The following AKAP14 variants were observed in gnomAD, a reference collection of about 807,000 sequenced individuals.
The protein encoded by AKAP14 is A-kinase anchor protein 14.
A neutral mutation model predicts 17.0 loss-of-function variants in AKAP14; 4 were observed. The observed-to-expected ratio is 0.23, with a 90% confidence interval of 0.12 to 0.54. AKAP14 has a LOEUF of 0.54. Ranked by LOEUF, AKAP14 falls within the 20% of genes least tolerant of loss-of-function variation. AKAP14 has a pLI of 0.95. For missense variants in AKAP14, 129 were observed against 150.9 expected (o/e 0.85, Z 0.76); for synonymous variants, 42 against 51.3 (o/e 0.82, Z 0.77).
intron 2 of AKAP14, among the ~76,000 whole-genome samples, chrX:119,897,496 G>A (rs1267852561): frequency 8.9e-6 from 1 of 112,068 alleles, no homozygotes; most frequent in African/African-American, 3.2e-5. Flanking sequence ...GTTGATATAT[G>A]GCTACCTCAC....
intron 4 of AKAP14, among the ~76,000 whole-genome samples, chrX:119,913,707 C>G (rs910256173): frequency 9.0e-6 from 1 of 111,078 alleles, no homozygotes. Flanking sequence ...ACCCAGGAGG[C>G]AGAGGTTGCA....
chrX:119,918,293 C>A (rs1248636586), intron 5 of AKAP14, among the ~76,000 whole-genome samples: 3 of 111,386 alleles, frequency 2.7e-5, no homozygotes, highest in Admixed American at 9.6e-5. Context: ...GTACAGTGGC[C>A]CAATCTCGGC....
rs185318151 is a variant in AKAP14, at chrX:119,897,449, G to A, written c.-11+1182G>A. On this transcript the variant is annotated intron_variant, in intron 2 of 6. Coordinates refer to ENST00000371431, the MANE Select transcript of AKAP14 (RefSeq NM_178813.6). ...GCTGGGATTATAGGTGTGAGCCACTGCGCCCGGCCCAAATGGACAATTTTC... is the reference window on the plus strand; with the variant it reads ...GCTGGGATTATAGGTGTGAGCCACTACGCCCGGCCCAAATGGACAATTTTC... 2.2e-3 allele frequency among the ~76,000 whole-genome samples: 242 copies of A among 112,062 alleles called. 1 individual carries two copies. Among genetic ancestry groups the A allele is most frequent in the African/African-American group, 7.3e-3 (227 of 30,938 alleles).
intron 4 of AKAP14, among the ~76,000 whole-genome samples, chrX:119,908,300 A>AAAAAAAAG (rs567352217): frequency 1.8e-4 from 19 of 103,494 alleles, no homozygotes; most frequent in South Asian, 4.3e-4. Context: ...AAAAAAAAAA[A>AAAAAAAAG]AAGAAGGATG....
chrX:119,915,394 C>T (rs1371105861), intron 5 of AKAP14, among the ~76,000 whole-genome samples: 1 of 112,380 alleles, frequency 8.9e-6, no homozygotes. Context: ...CAGTCTTCAT[C>T]TTAGTTAATA....
intron 2 of AKAP14, among the ~76,000 whole-genome samples, chrX:119,900,331 G>A (rs1277583054): frequency 8.9e-6 from 1 of 112,126 alleles, no homozygotes; most frequent in Non-Finnish European, 1.9e-5. Flanking sequence ...GACCTCAGGT[G>A]ATCCACCCGC....
Position 119,920,585 on chromosome X carries a change from CCTT to C in AKAP14, c.576_578del (p.Phe192del), listed in dbSNP as rs766774537. Reference sequence around the variant, plus strand: ...AAATATAGTTTCATGGAGTCATTCCCCTTCTTATTCAATCGTGTCTGATACTTA... The same window carrying C: ...AAATATAGTTTCATGGAGTCATTCCCCTTATTCAATCGTGTCTGATACTTA... On this transcript the variant is annotated inframe_deletion, in exon 7 of 7. Coordinates refer to ENST00000371431, the MANE Select transcript of AKAP14 (RefSeq NM_178813.6). 1.2e-5 allele frequency: 14 copies of C among 1,203,198 alleles called. No homozygotes were observed. The highest frequency in any genetic ancestry group is 1.7e-5 in the African/African-American group (1 of 57,692).
At chrX:119,903,073 C>T in intron 2 of AKAP14, 141 bp from the exon 3 acceptor site, 1 of 549,041 alleles carries the variant, frequency 1.8e-6, no homozygotes, top group Non-Finnish European at 2.8e-6. Context: ...TGACTCCTAC[C>T]CTTAAACCCC....
chrX:119,913,123 A>AAAATAAATAAATAAATAAATAAATAAAT (rs766878681), intron 4 of AKAP14, among the ~76,000 whole-genome samples: 5 of 98,096 alleles, frequency 5.1e-5, no homozygotes, highest in East Asian at 3.2e-4. Context: ...CCTGGTCTCT[A>AAAATAAATAAATAAATAAATAAATAAAT]AAATAAATAA....
chrX:119,911,225 C>T (rs1342314478), intron 4 of AKAP14, among the ~76,000 whole-genome samples: 2 of 106,357 alleles, frequency 1.9e-5, no homozygotes, highest in African/African-American at 3.4e-5. Context: ...TGGTGGTGGG[C>T]GCCTGTAATC....
At chrX:119,896,416 G>A (rs1461182355) in intron 2 of AKAP14, 149 bp downstream of exon 2, 1 of 95,922 alleles carries the variant, frequency 1.0e-5, no homozygotes, top group Non-Finnish European at 2.1e-5. Context: ...GAGGGGAGGA[G>A]AGGGGAGGGG....
At chrX:119,900,796 C>T (rs1424073664) in intron 2 of AKAP14, among the ~76,000 whole-genome samples, 1 of 111,960 alleles carries the variant, frequency 8.9e-6, no homozygotes, top group African/African-American at 3.2e-5. Flanking sequence ...TTTGGCCTCC[C>T]GAAGTGCTGG....
intron 5 of AKAP14, among the ~76,000 whole-genome samples, chrX:119,916,612 C>T (rs1444066100): frequency 9.4e-6 from 1 of 106,038 alleles, no homozygotes; most frequent in East Asian, 3.0e-4. Flanking sequence ...CTGCCTCAGC[C>T]CCCCAAGTAT....
At chrX:119,898,317 C>T (rs1603376918) in intron 2 of AKAP14, among the ~76,000 whole-genome samples, 1 of 111,714 alleles carries the variant, frequency 9.0e-6, no homozygotes, top group African/African-American at 3.3e-5. Flanking sequence ...CAGAGCAAGA[C>T]TCTATCTCAA....
At chrX:119,896,813 C>CT (rs1402745894) in intron 2 of AKAP14, among the ~76,000 whole-genome samples, 24 of 57,310 alleles carry the variant, frequency 4.2e-4, no homozygotes, top group African/African-American at 1.2e-3. Context: ...TTCTTTTTTT[C>CT]TTTTTTTTTT....
At chrX:119,914,263 G>A (rs1205746474) in intron 4 of AKAP14, among the ~76,000 whole-genome samples, 4 of 109,035 alleles carry the variant, frequency 3.7e-5, no homozygotes, top group Admixed American at 1.0e-4. Context: ...AATTAGGAGC[G>A]GACTCCAGAA....
chrX:119,906,518 C>T (rs1473292047), intron 4 of AKAP14, among the ~76,000 whole-genome samples: 1 of 103,527 alleles, frequency 9.7e-6, no homozygotes, highest in Non-Finnish European at 1.9e-5. Flanking sequence ...CAGGCGTGAG[C>T]CATCGCGCCC....
At chrX:119,907,104 A>G (rs2028033) in intron 4 of AKAP14, among the ~76,000 whole-genome samples, 31,400 of 109,557 alleles carry the variant, frequency 0.29, 5,334 homozygotes, top group African/African-American at 0.65. Context: ...GCAGCAAAAC[A>G]AAGTTATGAT....
At chrX:119,903,774 G>GCACAAT (rs2056582243) in intron 4 of AKAP14, 188 bp downstream of exon 4, 10 of 780,108 alleles carry the variant, frequency 1.3e-5, no homozygotes. Flanking sequence ...AAGGTGAAAT[G>GCACAAT]CACAATCACA....
Sources: gnomAD v4.1 joint callset for allele counts (sites outside exome capture counted in the v4.1 genomes callset) on GRCh38, gnomAD v4.1.1 for gene constraint, MANE v1.5 for transcripts, NCBI Gene and HGNC (gene_info 2026-07-23, HGNC 2026-07-21) for gene names.